FERRY3: variants seen among roughly 807,000 people sequenced by gnomAD.
The protein encoded by FERRY3 is protein C12orf4.
chr12:4,498,212 TTGA>T, the FERRY3 span, among the ~76,000 whole-genome samples: 1 of 152,188 alleles, frequency 6.6e-6, no homozygotes, highest in Non-Finnish European at 1.5e-5. Context: ...AACACTGTTT[TTGA>T]GGCTGTTTCC....
At chr12:4,497,075 G>A in the FERRY3 span, among the ~76,000 whole-genome samples, 1 of 152,138 alleles carries the variant, frequency 6.6e-6, no homozygotes, top group East Asian at 1.9e-4. Context: ...GTCAAAAGAT[G>A]TCTGTTGGAA....
chr12:4,517,222 A>G, the FERRY3 span: 2 of 1,496,722 alleles, frequency 1.3e-6, no homozygotes, highest in Admixed American at 2.2e-5. Context: ...AAACTTCTAA[A>G]TGCGAACTAT....
At chr12:4,498,565 C>T in the FERRY3 span, among the ~76,000 whole-genome samples, 262 of 152,250 alleles carry the variant, frequency 1.7e-3, 1 homozygote, top group Non-Finnish European at 3.3e-3. Flanking sequence ...AAAACAACAA[C>T]GTGCCTGGTA....
the FERRY3 span, among the ~76,000 whole-genome samples, chr12:4,528,512 T>C: frequency 6.6e-6 from 1 of 152,062 alleles, no homozygotes; most frequent in African/African-American, 2.4e-5. Context: ...ACTGCCCCAA[T>C]ACAGCTGGTC....
At chr12:4,517,714 G>C in the FERRY3 span, among the ~76,000 whole-genome samples, 4 of 145,756 alleles carry the variant, frequency 2.7e-5, no homozygotes, top group East Asian at 2.0e-4. Flanking sequence ...TATAGACAGA[G>C]AGAGAGAGAG....
the FERRY3 span, among the ~76,000 whole-genome samples, chr12:4,501,153 A>G: frequency 2.0e-5 from 3 of 152,036 alleles, no homozygotes; most frequent in Non-Finnish European, 4.4e-5. Context: ...TTTCAGTTCT[A>G]TCTCCAGAAC....
chr12:4,537,965 GTTTAT>G, the FERRY3 span, among the ~76,000 whole-genome samples: 1 of 151,700 alleles, frequency 6.6e-6, no homozygotes, highest in Non-Finnish European at 1.5e-5. Context: ...TAGTAAACTT[GTTTAT>G]TTTATGAGAT....
At chr12:4,535,356 C>T in the FERRY3 span, among the ~76,000 whole-genome samples, 2 of 152,208 alleles carry the variant, frequency 1.3e-5, no homozygotes, top group African/African-American at 4.8e-5. The surrounding 1 kb of genome is among the most constrained non-coding windows in gnomAD (Gnocchi z 4.0). Flanking sequence ...GATGCTGTTG[C>T]TGCTAAATGA....
At chr12:4,518,182 T>C in the FERRY3 span, 2 of 1,614,160 alleles carry the variant, frequency 1.2e-6, no homozygotes, top group Non-Finnish European at 1.7e-6. Context: ...TTCGATGATT[T>C]CTTTTATGCT....
the FERRY3 span, among the ~76,000 whole-genome samples, chr12:4,501,626 G>T: frequency 1.3e-5 from 2 of 152,142 alleles, no homozygotes; most frequent in Admixed American, 1.3e-4. Flanking sequence ...AGATTCTAAT[G>T]CCTGATGATC....
At chr12:4,508,597 T>C in the FERRY3 span, among the ~76,000 whole-genome samples, 2 of 151,996 alleles carry the variant, frequency 1.3e-5, no homozygotes, top group South Asian at 4.2e-4. Context: ...ATACAAAAAT[T>C]AGCCAGGCAC....
At chr12:4,504,856 A>C in the FERRY3 span, among the ~76,000 whole-genome samples, 1 of 152,162 alleles carries the variant, frequency 6.6e-6, no homozygotes, top group African/African-American at 2.4e-5. Flanking sequence ...TAATCCCAGT[A>C]CTTTGGGAGG....
the FERRY3 span, among the ~76,000 whole-genome samples, chr12:4,503,435 C>A: frequency 1.3e-5 from 2 of 152,138 alleles, no homozygotes; most frequent in Non-Finnish European, 2.9e-5. Context: ...ATGACATAAA[C>A]TGTAAATACT....
At chr12:4,518,202 C>T in the FERRY3 span, 1 of 1,614,064 alleles carries the variant, frequency 6.2e-7, no homozygotes, top group Non-Finnish European at 8.5e-7. Flanking sequence ...TTACAGAAGT[C>T]CAGCATATCT....
chr12:4,525,090 T>G, the FERRY3 span: 1 of 820,740 alleles, frequency 1.2e-6, no homozygotes, highest in Non-Finnish European at 1.9e-6. Flanking sequence ...ATAATCCACA[T>G]AAAGCCTATA....
the FERRY3 span, chr12:4,534,331 C>G: frequency 1.9e-6 from 3 of 1,565,146 alleles, no homozygotes; most frequent in African/African-American, 2.7e-5. Context: ...ACACCATCGT[C>G]AGCAAAATCC....
the FERRY3 span, among the ~76,000 whole-genome samples, chr12:4,506,063 A>T: frequency 6.6e-6 from 1 of 152,282 alleles, no homozygotes; most frequent in African/African-American, 2.4e-5. Flanking sequence ...TAAATAAAAT[A>T]AACATTATGA....
the FERRY3 span, among the ~76,000 whole-genome samples, chr12:4,526,670 C>T: frequency 6.6e-6 from 1 of 151,862 alleles, no homozygotes; most frequent in Non-Finnish European, 1.5e-5. Flanking sequence ...GATGAAACTC[C>T]ATCTCTACTA....
At chr12:4,525,012 A>T in the FERRY3 span, 1 of 363,180 alleles carries the variant, frequency 2.8e-6, no homozygotes, top group Non-Finnish European at 4.9e-6. Flanking sequence ...TTAAGTATTT[A>T]GGTGTATGTA....
Sources: allele counts gnomAD v4.1 joint callset (sites outside exome capture counted in the v4.1 genomes callset), GRCh38; gene constraint gnomAD v4.1.1; non-coding constraint Gnocchi (gnomAD v3.1); transcripts MANE v1.5; gene names NCBI Gene and HGNC (gene_info 2026-07-23, HGNC 2026-07-21).